The following EYS variants were observed in gnomAD, a reference collection of about 807,000 sequenced individuals.
The protein encoded by EYS is EGF-like photoreceptor maintenance factor.
EYS carries 250 observed loss-of-function variants against 282.1 expected under a neutral mutation model. The observed-to-expected ratio is 0.89, with a 90% CI of 0.80 to 0.98. The LOEUF (loss-of-function observed/expected upper bound fraction) is 0.98, where lower values mean the gene tolerates loss of function less well. EYS is among the 50% of genes least tolerant of loss of function. The probability of loss-of-function intolerance (pLI) is 0.00; values close to 1 mark genes in which losing one functional copy is unlikely to be tolerated. For synonymous variants in EYS, 1,355 were observed against 1,282.9 expected (o/e 1.06, Z -1.20); for missense variants, 4,016 against 3,709.0 (o/e 1.08, Z -2.15).
chr6:64,002,595 T>A (rs1021925404), intron 33 of EYS, among the ~76,000 whole-genome samples: 7 of 152,274 alleles, frequency 4.6e-5, no homozygotes, highest in Admixed American at 2.0e-4. Context: ...TGCATGCTAC[T>A]TCTAGGGGTT....
intron 1 of EYS, among the ~76,000 whole-genome samples, chr6:65,703,277 A>G (rs1031032621): frequency 5.9e-5 from 9 of 152,298 alleles, no homozygotes; most frequent in African/African-American, 1.9e-4. Flanking sequence ...TAATGCATGC[A>G]CATATACAGG....
chr6:63,979,702 G>C (rs1041496177), intron 35 of EYS, among the ~76,000 whole-genome samples: 3 of 151,842 alleles, frequency 2.0e-5, no homozygotes, highest in South Asian at 2.1e-4. Flanking sequence ...GAAACAGCTT[G>C]TTTTAAGTCC....
At chr6:64,300,604 A>G (rs980063940) in intron 30 of EYS, among the ~76,000 whole-genome samples, 1 of 152,202 alleles carries the variant, frequency 6.6e-6, no homozygotes, top group Non-Finnish European at 1.5e-5. Flanking sequence ...GCCATATGGA[A>G]CAATCAAACA....
At chr6:65,110,359 C>A (rs1307091630) in intron 12 of EYS, among the ~76,000 whole-genome samples, 1 of 151,982 alleles carries the variant, frequency 6.6e-6, no homozygotes, top group African/African-American at 2.4e-5. Flanking sequence ...GTTTTGAAAA[C>A]AAATGTGTAA....
At chr6:64,503,221 T>TCTCC (rs1335158923) in intron 26 of EYS, among the ~76,000 whole-genome samples, 3 of 152,182 alleles carry the variant, frequency 2.0e-5, no homozygotes, top group Non-Finnish European at 4.4e-5. Context: ...ATGGAAACAT[T>TCTCC]TGGCAGTTAA....
chr6:64,094,011 A>T (rs1772480403), intron 31 of EYS, among the ~76,000 whole-genome samples: 1 of 152,150 alleles, frequency 6.6e-6, no homozygotes, highest in African/African-American at 2.4e-5. Context: ...TATTGAGGTA[A>T]TCATGTGGTT....
chr6:64,032,035 C>G (rs568307174), intron 33 of EYS, among the ~76,000 whole-genome samples: 2 of 152,096 alleles, frequency 1.3e-5, no homozygotes, highest in East Asian at 3.9e-4. Flanking sequence ...TAACACTCAC[C>G]ACGAAGGTCT....
At chr6:64,388,023 T>C (rs2150424432) in intron 29 of EYS, among the ~76,000 whole-genome samples, 1 of 152,154 alleles carries the variant, frequency 6.6e-6, no homozygotes, top group South Asian at 2.1e-4. Context: ...AATGCAATGG[T>C]AAATATAATA....
chr6:64,811,657 G>C (rs969104697), intron 22 of EYS, among the ~76,000 whole-genome samples: 2 of 152,080 alleles, frequency 1.3e-5, no homozygotes, highest in Admixed American at 6.6e-5. Flanking sequence ...GGGTACAGTG[G>C]TTGTCAGAAA....
intron 15 of EYS, 96 bp from the exon 16 acceptor site, chr6:64,912,839 G>T: frequency 1.5e-6 from 1 of 680,860 alleles, no homozygotes; most frequent in Non-Finnish European, 2.1e-6. Flanking sequence ...AGTATGTGGT[G>T]CTTTTAAATT....
chr6:65,070,939 A>G (rs563683537), intron 12 of EYS, among the ~76,000 whole-genome samples: 2 of 151,990 alleles, frequency 1.3e-5, no homozygotes, highest in Non-Finnish European at 2.9e-5. Context: ...ATAATATTAA[A>G]TTGCATTTTA....
intron 1 of EYS, among the ~76,000 whole-genome samples, chr6:65,700,802 C>T (rs1769646568): frequency 6.6e-6 from 1 of 152,150 alleles, no homozygotes; most frequent in East Asian, 1.9e-4. Context: ...AATGTGTTTG[C>T]CGTACGTTCT....
intron 26 of EYS, among the ~76,000 whole-genome samples, chr6:64,458,875 A>T (rs1775649375): frequency 6.6e-6 from 1 of 152,148 alleles, no homozygotes; most frequent in Non-Finnish European, 1.5e-5. Context: ...TCATTCATCA[A>T]GGCACATATT....
chr6:64,437,752 T>C (rs1582751647), intron 27 of EYS, among the ~76,000 whole-genome samples: 2 of 151,286 alleles, frequency 1.3e-5, no homozygotes, highest in Admixed American at 6.6e-5. Flanking sequence ...TTTTCCTTTT[T>C]TTTTTGGCTC....
intron 18 of EYS, among the ~76,000 whole-genome samples, chr6:64,890,549 G>T (rs1332295516): frequency 6.6e-6 from 1 of 152,094 alleles, no homozygotes; most frequent in East Asian, 1.9e-4. Context: ...GAATATCAGG[G>T]CAGGTTCCCC....
At chr6:64,446,993 G>A (rs1016067420) in intron 26 of EYS, among the ~76,000 whole-genome samples, 1 of 149,378 alleles carries the variant, frequency 6.7e-6, no homozygotes, top group Non-Finnish European at 1.5e-5. Flanking sequence ...GTGTGGGGGG[G>A]GGGTGCTCAT....
In EYS at chr6:65,661,612, C is replaced by T. The variant is rs182186577; in HGVS notation, c.-447-21720G>A. Among the ~76,000 whole-genome samples the T allele has an allele frequency of 1.5e-3, 230 of 152,154 alleles. 1 individual carries two copies. The highest frequency in any genetic ancestry group is 5.5e-3 in the African/African-American group (229 of 41,570). On this transcript the variant is annotated intron_variant, in intron 1 of 42. Transcript: ENST00000503581. Reference sequence around the variant, plus strand: ...GAAGAGAAAGGAATTGCATTATACACTATTTCCATGATTTAGTTACAGACA... The same window carrying T: ...GAAGAGAAAGGAATTGCATTATACATTATTTCCATGATTTAGTTACAGACA...
At chr6:64,722,965 A>G (rs1032721621) in intron 22 of EYS, among the ~76,000 whole-genome samples, 1 of 152,072 alleles carries the variant, frequency 6.6e-6, no homozygotes, top group African/African-American at 2.4e-5. Context: ...CTTGTCCTTC[A>G]CATTCTTAAT....
At chr6:64,793,133 T>G (rs989000941) in intron 22 of EYS, among the ~76,000 whole-genome samples, 1 of 152,076 alleles carries the variant, frequency 6.6e-6, no homozygotes, top group African/African-American at 2.4e-5. Flanking sequence ...GTACTATTTA[T>G]GAGAACAGAT....
Sources: allele counts gnomAD v4.1 joint callset (sites outside exome capture counted in the v4.1 genomes callset), GRCh38; gene constraint gnomAD v4.1.1; transcripts MANE v1.5; gene names NCBI Gene and HGNC (gene_info 2026-07-23, HGNC 2026-07-21).